Variants in VGLL1 observed in about 807,000 individuals in gnomAD.
The protein encoded by VGLL1 is vestigial like family member 1.
Under a neutral mutation model 12.0 loss-of-function variants are expected in VGLL1, and 4 were observed. That is an observed-to-expected ratio of 0.33 (90% confidence interval 0.16 to 0.76). VGLL1 has a LOEUF of 0.76. Ranked by LOEUF, VGLL1 falls within the 30% of genes least tolerant of loss-of-function variation. The probability of loss-of-function intolerance (pLI) is 0.60; values close to 1 mark genes in which losing one functional copy is unlikely to be tolerated. For synonymous variants in VGLL1, 87 were observed against 81.2 expected (o/e 1.07, Z -0.39); for missense variants, 204 against 208.7 (o/e 0.98, Z 0.14).
At chrX:136,536,348 T>C (rs1300113533) in intron 2 of VGLL1, 114 bp downstream of exon 2, 12 of 735,521 alleles carry the variant, frequency 1.6e-5, no homozygotes, top group Non-Finnish European at 2.4e-5. Flanking sequence ...TAAAGGCAAG[T>C]TGCTCTGACT....
At chrX:136,555,560 G>A (rs1209135328) in intron 4 of VGLL1, among the ~76,000 whole-genome samples, 1 of 111,567 alleles carries the variant, frequency 9.0e-6, no homozygotes, top group Non-Finnish European at 1.9e-5. Flanking sequence ...GAAGACAGAA[G>A]GGACATGTAG....
Position 136,548,974 on chromosome X carries a change from G to A in VGLL1, c.600G>A (p.Gly200=), listed in dbSNP as rs777115290. The part of the protein sequence containing the change: ...GNPGQIAGST[G]LLFNLPPGSV... ...CTGGCCAGATAGCTGGAAGCACAGG[G>A]TTGCTCTTCAACCTGCCTCCCGGCT... Residue 200 remains glycine, a synonymous_variant, in exon 3 of 5, where the codon GGG becomes GGA. Transcript: ENST00000370634. 7.4e-6 allele frequency: 9 copies of A among 1,211,104 alleles called. No individual in the cohort carries two copies. The highest frequency in any genetic ancestry group is 7.0e-5 in the South Asian group (4 of 56,955).
At chrX:136,536,324 A>G in intron 2 of VGLL1, 90 bp downstream of exon 2, 2 of 940,371 alleles carry the variant, frequency 2.1e-6, no homozygotes, top group Non-Finnish European at 3.0e-6. Flanking sequence ...ACACTTGGAC[A>G]CTTATATGTT....
intron 2 of VGLL1, among the ~76,000 whole-genome samples, chrX:136,539,585 AT>A (rs2148530401): frequency 9.0e-6 from 1 of 111,109 alleles, no homozygotes; most frequent in South Asian, 3.8e-4. Context: ...CCTGGTTACT[AT>A]TTCTTCTCAG....
At chrX:136,551,910 C>A (rs1369724458) in intron 4 of VGLL1, among the ~76,000 whole-genome samples, 2 of 110,613 alleles carry the variant, frequency 1.8e-5, no homozygotes, top group Non-Finnish European at 3.8e-5. Flanking sequence ...GCAAGACCCT[C>A]ATCTCCATAA....
In VGLL1 at chrX:136,550,759, C is replaced by T. The variant is rs746593952; in HGVS notation, c.635-9C>T. On this transcript the variant is annotated splice_polypyrimidine_tract_variant and intron_variant, in intron 3 of 4. Coordinates refer to ENST00000370634, the MANE Select transcript of VGLL1 (RefSeq NM_016267.4). ...TCAGTTCCAATAATGTTTTCTTCTT[C>T]TTTTCTAGATAAGAAACTATATGTA... 4 of 1,201,885 alleles carry T rather than the reference C, an allele frequency of 3.3e-6. No homozygotes were observed. The highest frequency in any genetic ancestry group is 4.5e-6 in the Non-Finnish European group (4 of 888,208).
In VGLL1 at chrX:136,548,785, G is replaced by A. The variant is rs772131546; in HGVS notation, c.411G>A (p.Ala137=). Residue 137 remains alanine (A), a synonymous_variant, in exon 3 of 5, where the codon GCG becomes GCA. Transcript: ENST00000370634. ...AGCTGTGGCATTTCTCCTCCCTGGC[G>A]GGCACCAGCTCCTTAGAGCCTGGCT... is the stretch of plus-strand genomic sequence containing the variant. ...PGELWHFSSL[A]GTSSLEPGYS... is the part of the protein sequence containing the mutation. 123 of 1,210,516 alleles carry A rather than the reference G, an allele frequency of 1.0e-4. No homozygotes were observed. The highest frequency in any genetic ancestry group is 2.4e-4 in the East Asian group (8 of 33,779).
intron 4 of VGLL1, among the ~76,000 whole-genome samples, chrX:136,556,012 AG>A: frequency 9.0e-6 from 1 of 111,296 alleles, no homozygotes; most frequent in Non-Finnish European, 1.9e-5. Flanking sequence ...AATAAGGAAA[AG>A]GAGTCAAGGG....
At chrX:136,533,450 T>C (rs1254650291) in intron 1 of VGLL1, among the ~76,000 whole-genome samples, 1 of 111,640 alleles carries the variant, frequency 9.0e-6, no homozygotes, top group Non-Finnish European at 1.9e-5. Context: ...ACTAGGCACA[T>C]GCTTCAGGGC....
chrX:136,544,732 T>A (rs1259703358), intron 2 of VGLL1, among the ~76,000 whole-genome samples: 6 of 112,454 alleles, frequency 5.3e-5, no homozygotes, highest in Non-Finnish European at 7.5e-5. Context: ...TGATGTGTTA[T>A]TCCCTGGGAA....
intron 2 of VGLL1, among the ~76,000 whole-genome samples, chrX:136,539,515 T>C (rs1202258434): frequency 1.8e-5 from 2 of 111,636 alleles, no homozygotes; most frequent in Non-Finnish European, 3.8e-5. Context: ...CCTCGTGAAA[T>C]ACCTACTTCG....
In VGLL1 at chrX:136,539,742, T is replaced by G. The variant is rs147550173; in HGVS notation, c.214+3508T>G. 1.2e-3 allele frequency among the ~76,000 whole-genome samples: 133 copies of G among 111,943 alleles called. No homozygotes were observed. In the East Asian group the frequency reaches 0.035, roughly 30 times the overall value. On this transcript the variant is annotated intron_variant, in intron 2 of 4. Transcript: ENST00000370634. ...TATGTTGAGCAATTCCAAATGCATA[T>G]CTGCAAACCAGAATGGATTTCAGAC...
intron 2 of VGLL1, among the ~76,000 whole-genome samples, chrX:136,547,200 A>G (rs1032734962): frequency 6.2e-5 from 7 of 112,254 alleles, no homozygotes; most frequent in Admixed American, 2.8e-4. Flanking sequence ...CCCTCTCTCC[A>G]TTATCTTGGA....
chrX:136,536,990 A>G (rs1173421327), intron 2 of VGLL1, among the ~76,000 whole-genome samples: 1 of 112,801 alleles, frequency 8.9e-6, no homozygotes, highest in African/African-American at 3.2e-5. Context: ...GATAGTTTTT[A>G]AATGTTGATA....
chrX:136,542,043 C>G (rs1165775560), intron 2 of VGLL1, among the ~76,000 whole-genome samples: 2 of 109,793 alleles, frequency 1.8e-5, no homozygotes, highest in African/African-American at 6.6e-5. Flanking sequence ...GTCCCCAGCC[C>G]CAGTCCTGAG....
At chrX:136,546,115 G>A (rs2075868984) in intron 2 of VGLL1, among the ~76,000 whole-genome samples, 1 of 111,795 alleles carries the variant, frequency 8.9e-6, no homozygotes, top group Non-Finnish European at 1.9e-5. Flanking sequence ...ATGTGGTCAG[G>A]GGCTTGAGAA....
Position 136,536,946 on chromosome X carries a change from TG to T in VGLL1, c.214+713del, listed in dbSNP as rs201997339. 9.9e-3 allele frequency among the ~76,000 whole-genome samples: 1,120 copies of T among 112,766 alleles called. 12 individuals are homozygous for T. The highest frequency in any genetic ancestry group is 0.033 in the African/African-American group (1,010 of 30,960). ...AAGACTAAAACATAAATTAGAATCT[TG>T]CTGAATAAGCCATTAGAGCAGAAGT... On this transcript the variant is annotated intron_variant, in intron 2 of 4. Coordinates refer to ENST00000370634, the MANE Select transcript of VGLL1 (RefSeq NM_016267.4).
chrX:136,555,009 G>A (rs1050219384), intron 4 of VGLL1, among the ~76,000 whole-genome samples: 3 of 112,274 alleles, frequency 2.7e-5, no homozygotes, highest in Admixed American at 9.4e-5. Context: ...ATAGAAGAGA[G>A]GAGAGCTGCA....
intron 2 of VGLL1, among the ~76,000 whole-genome samples, chrX:136,540,001 T>G (rs780922677): frequency 6.2e-4 from 69 of 111,562 alleles, no homozygotes; most frequent in Non-Finnish European, 1.1e-3. Context: ...AGGTTCTATC[T>G]TCAAAATATC....
Sources: gnomAD v4.1 joint callset for allele counts (sites outside exome capture counted in the v4.1 genomes callset) on GRCh38, gnomAD v4.1.1 for gene constraint, MANE v1.5 for transcripts, NCBI Gene and HGNC (gene_info 2026-07-23, HGNC 2026-07-21) for gene names.